TAFA1: variants seen among roughly 807,000 people sequenced by gnomAD.
The protein encoded by TAFA1 is TAFA chemokine like family member 1, also known as chemokine-like protein TAFA-1.
In TAFA1, 4 loss-of-function variants were observed where a neutral mutation model predicts 18.5. The observed-to-expected ratio is 0.22, with a 90% CI of 0.11 to 0.49. TAFA1 has a LOEUF of 0.49. Ranked by LOEUF, TAFA1 falls within the 20% of genes least tolerant of loss-of-function variation. TAFA1 has a pLI of 0.98. For synonymous variants in TAFA1, 56 were observed against 55.2 expected (o/e 1.01, Z -0.06); for missense variants, 147 against 169.0 (o/e 0.87, Z 0.72).
At chr3:68,178,366 T>A (rs2066152711) in intron 2 of TAFA1, among the ~76,000 whole-genome samples, 1 of 152,200 alleles carries the variant, frequency 6.6e-6, no homozygotes, top group Non-Finnish European at 1.5e-5. Context: ...CATAATCCCT[T>A]TCTTATTATT....
At chr3:68,365,864 G>T (rs566083929) in intron 2 of TAFA1, among the ~76,000 whole-genome samples, 1 of 152,174 alleles carries the variant, frequency 6.6e-6, no homozygotes, top group South Asian at 2.1e-4. Context: ...AAGGCGGGCG[G>T]ATCACAAGGT....
chr3:68,423,479 G>T (rs981290018), intron 3 of TAFA1, among the ~76,000 whole-genome samples: 4 of 152,042 alleles, frequency 2.6e-5, no homozygotes, highest in African/African-American at 9.7e-5. Flanking sequence ...TATTCCAAGG[G>T]CATTCTTATA....
chr3:68,468,164 T>A (rs2106940117), intron 3 of TAFA1, among the ~76,000 whole-genome samples: 1 of 152,276 alleles, frequency 6.6e-6, no homozygotes, highest in African/African-American at 2.4e-5. Context: ...GGTTTTGAAC[T>A]TTTTGACTAT....
chr3:68,100,155 A>T (rs950907428), intron 2 of TAFA1, among the ~76,000 whole-genome samples: 1 of 152,098 alleles, frequency 6.6e-6, no homozygotes, highest in Non-Finnish European at 1.5e-5. Context: ...TAAAATAAAA[A>T]TTGAATTAAA....
intron 2 of TAFA1, among the ~76,000 whole-genome samples, chr3:68,186,363 A>T (rs761251632): frequency 4.6e-4 from 70 of 152,052 alleles, no homozygotes; most frequent in Non-Finnish European, 9.3e-4. Flanking sequence ...TAAGTTGAAA[A>T]TGCCTCCGAG....
Position 68,538,887 on chromosome 3 carries a change from G to C in TAFA1, c.384+7G>C. ...CAAAATTAAGACCACGAGAGTAAGTGCACTTATTTCAAATGTATTTTGGAT... is the reference window on the plus strand; with the variant it reads ...CAAAATTAAGACCACGAGAGTAAGTCCACTTATTTCAAATGTATTTTGGAT... On this transcript the variant is annotated splice_region_variant and intron_variant, in intron 4 of 4. Coordinates refer to ENST00000478136, the MANE Select transcript of TAFA1 (RefSeq NM_213609.4). 1 of 1,613,146 alleles carries C rather than the reference G, an allele frequency of 6.2e-7. No homozygotes were observed. Among genetic ancestry groups the C allele is most frequent in the East Asian group, 2.2e-5 (1 of 44,838 alleles).
chr3:68,336,460 A>G (rs1002238801), intron 2 of TAFA1, among the ~76,000 whole-genome samples: 1 of 152,228 alleles, frequency 6.6e-6, no homozygotes, highest in African/African-American at 2.4e-5. Context: ...AGAAATCTGA[A>G]TATCTATGTG....
chr3:68,474,055 C>A (rs1188314819), intron 3 of TAFA1, among the ~76,000 whole-genome samples: 1 of 149,132 alleles, frequency 6.7e-6, no homozygotes, highest in Non-Finnish European at 1.5e-5. Flanking sequence ...TATCACCCCC[C>A]CCCCCAAGTA....
At chr3:68,321,936 A>T (rs2068702213) in intron 2 of TAFA1, among the ~76,000 whole-genome samples, 1 of 152,202 alleles carries the variant, frequency 6.6e-6, no homozygotes, top group Admixed American at 6.5e-5. Context: ...ATATATTTCC[A>T]CCTTAAAAGA....
chr3:68,460,420 T>G (rs981756738), intron 3 of TAFA1, among the ~76,000 whole-genome samples: 11 of 152,186 alleles, frequency 7.2e-5, no homozygotes, highest in Non-Finnish European at 1.6e-4. Context: ...TTTTATTTTT[T>G]TAATACTGCC....
At chr3:68,322,655 G>A (rs533615010) in intron 2 of TAFA1, among the ~76,000 whole-genome samples, 11 of 152,196 alleles carry the variant, frequency 7.2e-5, no homozygotes, top group Admixed American at 5.9e-4. Context: ...CTTAAAGATG[G>A]TAATAGTCAG....
At chr3:68,301,296 A>C (rs985896572) in intron 2 of TAFA1, among the ~76,000 whole-genome samples, 1 of 152,058 alleles carries the variant, frequency 6.6e-6, no homozygotes, top group Non-Finnish European at 1.5e-5. Context: ...CACTACATAA[A>C]TTTTTCTGCA....
chr3:68,052,938 A>T (rs908604794), intron 2 of TAFA1, among the ~76,000 whole-genome samples: 80 of 152,336 alleles, frequency 5.3e-4, no homozygotes, highest in African/African-American at 1.6e-3. Flanking sequence ...ACTGGACAAT[A>T]TTCATTTTCA....
At chr3:68,482,235 C>G (rs921242356) in intron 3 of TAFA1, among the ~76,000 whole-genome samples, 4 of 152,152 alleles carry the variant, frequency 2.6e-5, no homozygotes, top group Non-Finnish European at 5.9e-5. Context: ...TGGTTTCGAT[C>G]TGACCTCGTG....
chr3:68,377,342 C>T (rs2069838260), intron 2 of TAFA1, among the ~76,000 whole-genome samples: 1 of 152,148 alleles, frequency 6.6e-6, no homozygotes, highest in Non-Finnish European at 1.5e-5. Flanking sequence ...ACAATGAAAT[C>T]CAGACTTAGG....
intron 2 of TAFA1, among the ~76,000 whole-genome samples, chr3:68,274,024 G>A (rs1381184493): frequency 6.6e-6 from 1 of 152,096 alleles, no homozygotes; most frequent in East Asian, 1.9e-4. Context: ...AGGCCCTAGG[G>A]TAAAGATATG....
Position 68,006,657 on chromosome 3 carries a change from C to G in TAFA1, c.31C>G (p.Leu11Val). The change falls in exon 2 of 5, where the codon CTG becomes GTG. Residue 11 changes from leucine to valine, a missense_variant. Coordinates refer to ENST00000478136, the MANE Select transcript of TAFA1 (RefSeq NM_213609.4). ...AATGGTCTCTGCGATGTCCTGGGTC[C>G]TGTATTTGTGGATAAGTGCTTGTGC... is the stretch of plus-strand genomic sequence containing the variant. MAMVSAMSWV[L>V]YLWISACAML... The G allele has an allele frequency of 6.2e-7, 1 of 1,613,880 alleles. No homozygotes were observed.
Position 68,131,933 on chromosome 3 carries a change from G to A in TAFA1, c.118+125189G>A, listed in dbSNP as rs1351463279. 2.0e-5 allele frequency among the ~76,000 whole-genome samples: 3 copies of A among 151,824 alleles called. No homozygotes were observed. The South Asian group carries it at 6.3e-4, about 32-fold the overall frequency. On this transcript the variant is annotated intron_variant, in intron 2 of 4. Coordinates refer to ENST00000478136, the MANE Select transcript of TAFA1 (RefSeq NM_213609.4). ...AAGTTCTGGGATACATGTACATGCA[G>A]GTTTGTTACATAGGTATACACGTGC...
chr3:68,291,432 T>G (rs1419272704), intron 2 of TAFA1, among the ~76,000 whole-genome samples: 3 of 152,054 alleles, frequency 2.0e-5, no homozygotes, highest in Non-Finnish European at 4.4e-5. Context: ...CAAAACAAGG[T>G]GAGTAGTATT....
Sources: gnomAD v4.1 joint callset for allele counts (sites outside exome capture counted in the v4.1 genomes callset) on GRCh38, gnomAD v4.1.1 for gene constraint, MANE v1.5 for transcripts, NCBI Gene and HGNC (gene_info 2026-07-23, HGNC 2026-07-21) for gene names.